Variants in CALCR observed in about 807,000 individuals in gnomAD.
CALCR encodes calcitonin receptor.
A neutral mutation model predicts 59.5 loss-of-function variants in CALCR; 47 were observed. That is an observed-to-expected ratio of 0.79 (90% CI 0.63 to 1.01). The LOEUF is 1.01. Ranked by LOEUF, CALCR falls within the 50% of genes least tolerant of loss-of-function variation. The pLI is 0.00. For missense variants in CALCR, 566 were observed against 597.1 expected (o/e 0.95, Z 0.54); for synonymous variants, 213 against 211.3 (o/e 1.01, Z -0.07).
At chr7:93,467,610 T>C (rs1201789609) in intron 7 of CALCR, among the ~76,000 whole-genome samples, 1 of 151,712 alleles carries the variant, frequency 6.6e-6, no homozygotes. Context: ...GTACCATCTT[T>C]ACCATTTTAA....
intron 2 of CALCR, among the ~76,000 whole-genome samples, chr7:93,503,896 A>C (rs1189116448): frequency 6.6e-6 from 1 of 152,202 alleles, no homozygotes; most frequent in Non-Finnish European, 1.5e-5. Flanking sequence ...ACTATTCTCT[A>C]TAATGAAGGC....
At chr7:93,535,192 C>T (rs1013551736) in intron 2 of CALCR, among the ~76,000 whole-genome samples, 4 of 151,620 alleles carry the variant, frequency 2.6e-5, no homozygotes, top group African/African-American at 4.8e-5. Context: ...TGCTGACCTA[C>T]GATTTTTCGT....
At chr7:93,480,336 G>C (rs915102560) in intron 3 of CALCR, among the ~76,000 whole-genome samples, 1 of 151,814 alleles carries the variant, frequency 6.6e-6, no homozygotes, top group African/African-American at 2.4e-5. Flanking sequence ...TTTTAGTGGT[G>C]TTGGAATCTG....
chr7:93,426,409 C>T lies in CALCR; in HGVS notation c.1372G>A (p.Glu458Lys), dbSNP rs1475024725. Residue 458 changes from glutamate to lysine, a missense_variant, in exon 14 of 14, where the codon GAG becomes AAG. Glu to Lys is a moderately conservative substitution (Grantham distance 56). Coordinates refer to ENST00000426151, the MANE Select transcript of CALCR (RefSeq NM_001742.4). ...RNEPANNQGE[E>K]SAEIIPLNII... ...TTCAAAGGGATGATCTCAGCACTCT[C>T]CTCGCCTTGGTTGTTGGCTGGTTCA... The T allele has an allele frequency of 6.2e-7, 1 of 1,613,828 alleles. No individual in the cohort carries two copies. The highest frequency in any genetic ancestry group is 8.5e-7 in the Non-Finnish European group (1 of 1,179,856).
chr7:93,504,405 TCAA>T lies in CALCR; in HGVS notation c.-26-17401_-26-17399del, dbSNP rs550359655. On this transcript the variant is annotated intron_variant, in intron 2 of 13. Coordinates refer to ENST00000426151, the MANE Select transcript of CALCR (RefSeq NM_001742.4). ...CAAAGTAATAGACCATGAGATAGTTTCAATATCTAACTTCAGCAATATTTGGTG... is the reference window on the plus strand; with the variant it reads ...CAAAGTAATAGACCATGAGATAGTTTTATCTAACTTCAGCAATATTTGGTG... Among the ~76,000 whole-genome samples, 6 of 152,316 alleles carry T rather than the reference TCAA, an allele frequency of 3.9e-5. No individual in the cohort carries two copies. In the South Asian group the frequency reaches 1.0e-3, roughly 26 times the overall value.
chr7:93,444,521 G>C (rs117945324), intron 8 of CALCR, among the ~76,000 whole-genome samples: 2 of 152,008 alleles, frequency 1.3e-5, no homozygotes, highest in Non-Finnish European at 2.9e-5. Flanking sequence ...GTAGATTTTT[G>C]TTGTTGTTGC....
chr7:93,509,786 A>T (rs142387545), intron 2 of CALCR, among the ~76,000 whole-genome samples: 8 of 152,292 alleles, frequency 5.3e-5, no homozygotes, highest in Admixed American at 2.0e-4. Context: ...ATATGACAAT[A>T]CTATATTATG....
At chr7:93,505,208 A>C (rs1382274345) in intron 2 of CALCR, among the ~76,000 whole-genome samples, 5 of 152,176 alleles carry the variant, frequency 3.3e-5, no homozygotes, top group Non-Finnish European at 7.3e-5. Context: ...TGTTCTTTGC[A>C]GAACTCCCCC....
intron 8 of CALCR, among the ~76,000 whole-genome samples, chr7:93,459,136 C>A (rs1391279472): frequency 6.6e-6 from 1 of 152,138 alleles, no homozygotes; most frequent in African/African-American, 2.4e-5. Flanking sequence ...ATAAAAATTT[C>A]TGTAAAGTAA....
chr7:93,492,353 A>C (rs1801100364), intron 2 of CALCR, among the ~76,000 whole-genome samples: 1 of 151,338 alleles, frequency 6.6e-6, no homozygotes, highest in South Asian at 2.1e-4. Flanking sequence ...TTTAAAAAAC[A>C]AAAATAGTAA....
At chr7:93,503,832 A>G (rs141498158) in intron 2 of CALCR, among the ~76,000 whole-genome samples, 74 of 152,216 alleles carry the variant, frequency 4.9e-4, no homozygotes, top group African/African-American at 8.9e-4. Flanking sequence ...ATAAGGAACA[A>G]CCCTCAAATT....
chr7:93,516,092 C>T (rs948325267), intron 2 of CALCR, among the ~76,000 whole-genome samples: 4 of 151,666 alleles, frequency 2.6e-5, no homozygotes, highest in African/African-American at 9.7e-5. Context: ...TGACCATATC[C>T]CAGAGTCCTA....
chr7:93,433,489 T>C (rs1270444825), intron 13 of CALCR, among the ~76,000 whole-genome samples: 1 of 152,212 alleles, frequency 6.6e-6, no homozygotes, highest in Non-Finnish European at 1.5e-5. Flanking sequence ...CCAGTCTGGG[T>C]TATAACCATA....
rs1456397479 is a variant in CALCR, at chr7:93,426,659, C to T, written c.1192-70G>A. On this transcript the variant is annotated intron_variant, in intron 13 of 13. Coordinates refer to ENST00000426151, the MANE Select transcript of CALCR (RefSeq NM_001742.4). ...TGATCCATGCAAAGTGTACGAACAT[C>T]GTTCTTAGAGCTTATCAGATTTAAA... 3 of 794,826 alleles carry T rather than the reference C, an allele frequency of 3.8e-6. No individual in the cohort carries two copies. The African/African-American group carries it at 5.2e-5, about 14-fold the overall frequency. The allele number at this position is 794,826 out of a possible 1,614,324, so 49.2% of individuals were successfully genotyped here. A position where few individuals can be genotyped will look rare whatever the true frequency, so the allele number is the denominator to read the frequency against.
At chr7:93,561,300 T>TC (rs1272205024) in intron 2 of CALCR, among the ~76,000 whole-genome samples, 1 of 152,136 alleles carries the variant, frequency 6.6e-6, no homozygotes, top group Admixed American at 6.6e-5. Context: ...TCATTTTTTT[T>TC]CAAGTGTAGC....
intron 8 of CALCR, among the ~76,000 whole-genome samples, chr7:93,444,158 A>G (rs1414046186): frequency 6.6e-6 from 1 of 152,112 alleles, no homozygotes; most frequent in Non-Finnish European, 1.5e-5. Flanking sequence ...CTGCTTCTGA[A>G]ATTCACTGAT....
intron 2 of CALCR, among the ~76,000 whole-genome samples, chr7:93,546,785 T>G (rs1217215664): frequency 6.6e-6 from 1 of 151,870 alleles, no homozygotes; most frequent in Non-Finnish European, 1.5e-5. Flanking sequence ...GGTCTTGAAC[T>G]CCTGGGCTCA....
At position 93,480,565 on chromosome 7, in the gene CALCR, A is replaced by C. The variant is rs201966873; in HGVS notation, c.52-1058T>G. Among the ~76,000 whole-genome samples, 10 of 151,946 alleles carry C rather than the reference A, an allele frequency of 6.6e-5. No homozygotes were observed. The East Asian group carries it at 1.8e-3, about 27-fold the overall frequency. ...ACTCTTCTATATGTGCTAGTTTCTA[A>C]ACAAAACTCATCCCTATTAAGTTGA... On this transcript the variant is annotated intron_variant, in intron 3 of 13. Coordinates refer to ENST00000426151, the MANE Select transcript of CALCR (RefSeq NM_001742.4).
intron 13 of CALCR, among the ~76,000 whole-genome samples, chr7:93,429,922 T>TG (rs911493827): frequency 5.3e-4 from 46 of 86,356 alleles, no homozygotes; most frequent in Non-Finnish European, 9.5e-4. Context: ...CGGTTTTTTT[T>TG]TTTGTTTGTT....
Sources: gnomAD v4.1 joint callset for allele counts (sites outside exome capture counted in the v4.1 genomes callset) on GRCh38, gnomAD v4.1.1 for gene constraint, MANE v1.5 for transcripts, NCBI Gene and HGNC (gene_info 2026-07-23, HGNC 2026-07-21) for gene names.